The following RHOH variants were observed in gnomAD, a reference collection of about 807,000 sequenced individuals.
RHOH encodes the protein ras homolog family member H, also known as rho-related GTP-binding protein RhoH.
In RHOH, 6 loss-of-function variants were observed where a neutral mutation model predicts 13.8. The observed-to-expected ratio is 0.44, with a 90% CI of 0.24 to 0.86. The LOEUF (loss-of-function observed/expected upper bound fraction) is 0.86, where lower values mean the gene tolerates loss of function less well. RHOH is among the 40% of genes least tolerant of loss of function. The pLI, the probability that RHOH is intolerant of heterozygous loss-of-function variation, is 0.24. For synonymous variants in RHOH, 117 were observed against 103.0 expected (o/e 1.14, Z -0.82); for missense variants, 147 against 244.5 (o/e 0.60, Z 2.66).
At chr4:40,229,030 C>T (rs763343568) in intron 1 of RHOH, among the ~76,000 whole-genome samples, 1 of 152,136 alleles carries the variant, frequency 6.6e-6, no homozygotes, top group Admixed American at 6.6e-5. Flanking sequence ...CCTCCTTTGG[C>T]TTATGTTCTA....
intron 1 of RHOH, among the ~76,000 whole-genome samples, chr4:40,215,656 C>T (rs1725786823): frequency 6.6e-6 from 1 of 152,350 alleles, no homozygotes; most frequent in South Asian, 2.1e-4. Context: ...AAGTGGGACG[C>T]AGTGGCTCAC....
intron 1 of RHOH, among the ~76,000 whole-genome samples, chr4:40,197,730 A>C (rs1723381316): frequency 6.6e-6 from 1 of 152,240 alleles, no homozygotes; most frequent in Non-Finnish European, 1.5e-5. Flanking sequence ...TGTAGATTTC[A>C]ATCTGGAATT....
At chr4:40,219,491 G>A (rs1053777753) in intron 1 of RHOH, among the ~76,000 whole-genome samples, 3 of 151,740 alleles carry the variant, frequency 2.0e-5, no homozygotes, top group African/African-American at 7.3e-5. Flanking sequence ...ATGTAATAAT[G>A]TAATAGCTTT....
At chr4:40,224,903 A>C (rs1727036902) in intron 1 of RHOH, among the ~76,000 whole-genome samples, 1 of 152,190 alleles carries the variant, frequency 6.6e-6, no homozygotes, top group African/African-American at 2.4e-5. Flanking sequence ...GAAATATCTT[A>C]CTGAATTATT....
Position 40,243,336 on chromosome 4 carries a change from G to C in RHOH, c.-51G>C, listed in dbSNP as rs1729475802. On this transcript the variant is annotated 5_prime_UTR_variant, in exon 3 of 3. Transcript: ENST00000381799. The surrounding 1 kb of genome is among the most constrained non-coding windows in gnomAD (Gnocchi z 6.2). The stretch of plus-strand genomic sequence containing the variant: ...CGTGTGCTGCAGCTGCCCACTGAGG[G>C]CTCTTTTCCCTGGGATTCTGGACTT... 1 of 1,493,422 alleles carries C rather than the reference G, an allele frequency of 6.7e-7. No individual in the cohort carries two copies. Among genetic ancestry groups the C allele is most frequent in the African/African-American group, 1.4e-5 (1 of 71,372 alleles). The allele number at this position is 1,493,422 out of a possible 1,614,324, so 92.5% of individuals were successfully genotyped here. A position where few individuals can be genotyped will look rare whatever the true frequency, so the allele number is the denominator to read the frequency against.
chr4:40,219,556 G>A (rs1229040056), intron 1 of RHOH, among the ~76,000 whole-genome samples: 1 of 152,098 alleles, frequency 6.6e-6, no homozygotes, highest in African/African-American at 2.4e-5. Flanking sequence ...AATGGCCTGG[G>A]CACCATAGGA....
intron 1 of RHOH, among the ~76,000 whole-genome samples, chr4:40,209,984 T>C (rs1290439784): frequency 1.3e-5 from 2 of 152,240 alleles, no homozygotes. Flanking sequence ...TGGAATATCA[T>C]ATAACTCTTT....
At chr4:40,224,304 C>T (rs1440218663) in intron 1 of RHOH, among the ~76,000 whole-genome samples, 2 of 152,210 alleles carry the variant, frequency 1.3e-5, no homozygotes, top group Non-Finnish European at 2.9e-5. Context: ...CTTAATGGAC[C>T]TTTCAGATCT....
At chr4:40,236,063 T>C (rs1728541021) in intron 1 of RHOH, among the ~76,000 whole-genome samples, 1 of 151,948 alleles carries the variant, frequency 6.6e-6, no homozygotes, top group Non-Finnish European at 1.5e-5. Flanking sequence ...AACAACTTTG[T>C]TTGAGATGCC....
chr4:40,192,748 A>AG (rs1190857573), upstream of RHOH, among the ~76,000 whole-genome samples: 6 of 152,094 alleles, frequency 3.9e-5, no homozygotes, highest in Non-Finnish European at 7.4e-5. Flanking sequence ...GGAATCCTGG[A>AG]GGGGGCATGT....
chr4:40,195,808 G>GATTGAGAT (rs1723080350), upstream of RHOH, among the ~76,000 whole-genome samples: 1 of 152,166 alleles, frequency 6.6e-6, no homozygotes, highest in South Asian at 2.1e-4. Flanking sequence ...GAGGATCTCA[G>GATTGAGAT]CTGGCAGATT....
chr4:40,244,036 A>C lies in RHOH; in HGVS notation c.*74A>C. On this transcript the variant is annotated 3_prime_UTR_variant, in exon 3 of 3. Transcript: ENST00000381799. ...TGGGGAGAGGGAGGGCCGGGAAGCC[A>C]GGAAAGCTTGGTGTTTTCTCTGGGT... 3 of 1,299,530 alleles carry C rather than the reference A, an allele frequency of 2.3e-6. No individual in the cohort carries two copies. The highest frequency in any genetic ancestry group is 2.5e-5 in the Admixed American group (1 of 39,428). 80.5% of individuals were successfully genotyped at this position (1,299,530 alleles called of 1,614,324 possible).
chr4:40,242,667 G>T (rs1729391402), intron 1 of RHOH, 47 bp from the exon 2 acceptor site: 1 of 152,118 alleles, frequency 6.6e-6, no homozygotes, highest in African/African-American at 2.4e-5. Flanking sequence ...TAAACAAAAA[G>T]AAATGCATAT....
intron 1 of RHOH, among the ~76,000 whole-genome samples, chr4:40,201,426 T>C (rs1348043548): frequency 6.6e-6 from 1 of 152,194 alleles, no homozygotes; most frequent in Non-Finnish European, 1.5e-5. Context: ...AGTGGTGTTC[T>C]AGAACCGGCT....
chr4:40,233,119 A>G (rs771388108), intron 1 of RHOH, among the ~76,000 whole-genome samples: 1 of 152,174 alleles, frequency 6.6e-6, no homozygotes, highest in Non-Finnish European at 1.5e-5. Context: ...AATGGTAAAT[A>G]CTTCTACGGT....
At chr4:40,239,421 G>C (rs1344913493) in intron 1 of RHOH, among the ~76,000 whole-genome samples, 1 of 152,138 alleles carries the variant, frequency 6.6e-6, no homozygotes, top group East Asian at 1.9e-4. Context: ...AACACCCTTT[G>C]CTGGAGAAAC....
chr4:40,212,858 C>T (rs1276709693), intron 1 of RHOH: 3 of 152,240 alleles, frequency 2.0e-5, no homozygotes, highest in African/African-American at 7.2e-5. Context: ...CCCCCAGGGT[C>T]AGACTTCCTT....
At chr4:40,233,389 G>A (rs1392954101) in intron 1 of RHOH, among the ~76,000 whole-genome samples, 1 of 118,418 alleles carries the variant, frequency 8.4e-6, no homozygotes, top group East Asian at 2.0e-4. Context: ...TCCAGAGTCT[G>A]TGCTGTAGAC....
chr4:40,205,820 G>C (rs1461293264), intron 1 of RHOH: 1 of 152,310 alleles, frequency 6.6e-6, no homozygotes, highest in Non-Finnish European at 1.5e-5. Context: ...ATGTGAAATT[G>C]ACTAAATACA....
Sources: gnomAD v4.1 joint callset for allele counts (sites outside exome capture counted in the v4.1 genomes callset) on GRCh38, gnomAD v4.1.1 for gene constraint, Gnocchi (gnomAD v3.1) non-coding constraint, MANE v1.5 for transcripts, NCBI Gene and HGNC (gene_info 2026-07-23, HGNC 2026-07-21) for gene names.